Variants in TRIM49C observed in about 807,000 individuals in gnomAD.
TRIM49C encodes tripartite motif containing 49C, also known as tripartite motif-containing protein 49C.
Under a neutral mutation model 21.4 loss-of-function variants are expected in TRIM49C, and 6 were observed. The observed-to-expected ratio is 0.28, with a 90% confidence interval of 0.15 to 0.55. The LOEUF (loss-of-function observed/expected upper bound fraction) is 0.55. Ranked by LOEUF, TRIM49C falls within the 20% of genes least tolerant of loss-of-function variation. The pLI is 0.94. For missense variants in TRIM49C, 161 were observed against 442.4 expected (o/e 0.36, Z 5.71); for synonymous variants, 57 against 148.1 (o/e 0.38, Z 4.47).
the TRIM49C span, among the ~76,000 whole-genome samples, chr11:90,065,689 G>A: frequency 1.4e-5 from 2 of 141,046 alleles, no homozygotes; most frequent in Non-Finnish European, 3.1e-5. Flanking sequence ...GGGCAAGGTG[G>A]CTCATGCCTG....
In TRIM49C at chr11:90,041,608, T is replaced by A. The variant is rs1950771705; in HGVS notation, c.*58T>A. On this transcript the variant is annotated 3_prime_UTR_variant, in exon 8 of 8. Transcript: ENST00000448984. ...GTGGGAACCCCTTTATCCCAGGAAG[T>A]CCTCTTCCTTGTGCCTTAACATACA... 2 of 909,866 alleles carry A rather than the reference T, an allele frequency of 2.2e-6. No individual in the cohort carries two copies. The highest frequency in any genetic ancestry group is 3.0e-6 in the Non-Finnish European group (2 of 658,050). 56.4% of individuals were successfully genotyped at this position (909,866 alleles called of 1,614,324 possible). A position where few individuals can be genotyped will look rare whatever the true frequency, so the allele number is the denominator to read the frequency against.
At chr11:90,056,838 T>TCA in the TRIM49C span, among the ~76,000 whole-genome samples, 1 of 143,806 alleles carries the variant, frequency 7.0e-6, no homozygotes, top group African/African-American at 2.7e-5. Flanking sequence ...ATAATATACT[T>TCA]GAGAAGATGT....
the TRIM49C span, among the ~76,000 whole-genome samples, chr11:90,056,886 G>T: frequency 6.9e-6 from 1 of 145,426 alleles, no homozygotes; most frequent in Non-Finnish European, 1.5e-5. Flanking sequence ...ACTTTTGTAT[G>T]AGCTGAAATG....
chr11:90,065,515 TC>T, the TRIM49C span, among the ~76,000 whole-genome samples: 2 of 134,252 alleles, frequency 1.5e-5, 1 homozygote, highest in South Asian at 5.3e-4. Context: ...CACACCCACT[TC>T]CTGAGATGGA....
chr11:90,053,844 A>G, the TRIM49C span: 6,957 of 129,146 alleles, frequency 0.054, 560 homozygotes, highest in Admixed American at 0.12. Context: ...CTCCCGCCCC[A>G]AGCCCGGCGG....
the TRIM49C span, among the ~76,000 whole-genome samples, chr11:90,065,159 TAG>T: frequency 1.6e-5 from 2 of 128,938 alleles, no homozygotes; most frequent in Non-Finnish European, 3.3e-5. Context: ...AGGAATCAAA[TAG>T]CAAGGGAACA....
At chr11:90,034,626 T>C (rs1950711834) in intron 2 of TRIM49C, among the ~76,000 whole-genome samples, 1 of 124,784 alleles carries the variant, frequency 8.0e-6, no homozygotes, top group Non-Finnish European at 1.6e-5. Context: ...AATTTTGTTT[T>C]GATTTGGGTC....
the TRIM49C span, among the ~76,000 whole-genome samples, chr11:90,056,990 C>A: frequency 1.3e-5 from 2 of 148,214 alleles, 1 homozygote; most frequent in Non-Finnish European, 3.0e-5. Flanking sequence ...CTTCTTTATT[C>A]TTTGTAAGAT....
chr11:90,059,877 T>A, the TRIM49C span, among the ~76,000 whole-genome samples: 4 of 146,666 alleles, frequency 2.7e-5, no homozygotes, highest in Admixed American at 6.9e-5. Context: ...TCCTCAGCCC[T>A]TCCTTAGGGA....
At chr11:90,039,337 C>T (rs644142) in intron 6 of TRIM49C, among the ~76,000 whole-genome samples, 5,412 of 127,088 alleles carry the variant, frequency 0.043, 582 homozygotes, top group Non-Finnish European at 0.056. Context: ...ATTTTAGCAG[C>T]GAAAAAGTGT....
rs1242702092 is a variant in TRIM49C, at chr11:90,031,933, G to A, written c.-190-464G>A. On this transcript the variant is annotated intron_variant, in intron 1 of 7. Coordinates refer to ENST00000448984, the MANE Select transcript of TRIM49C (RefSeq NM_001195234.1). Reference sequence around the variant, plus strand: ...ACTTGAAGCCAGGAGCTGGAGAACAGCATGGGCTACAGAGTCATACACTGA... The same window carrying A: ...ACTTGAAGCCAGGAGCTGGAGAACAACATGGGCTACAGAGTCATACACTGA... 2.2e-5 allele frequency among the ~76,000 whole-genome samples: 3 copies of A among 135,132 alleles called. 1 individual carries two copies. The highest frequency in any genetic ancestry group is 4.8e-5 in the Non-Finnish European group (3 of 62,462). 88.7% of individuals were successfully genotyped at this position (135,132 alleles called of 152,430 possible). A position where few individuals can be genotyped will look rare whatever the true frequency, so the allele number is the denominator to read the frequency against.
chr11:90,073,416 G>A, the TRIM49C span: 7 of 518,500 alleles, frequency 1.4e-5, no homozygotes, highest in South Asian at 9.0e-5. Context: ...CTGACTGTTC[G>A]GGAACTCCAT....
At chr11:90,039,438 G>T (rs1950753784) in intron 6 of TRIM49C, among the ~76,000 whole-genome samples, 1 of 129,048 alleles carries the variant, frequency 7.7e-6, no homozygotes, top group African/African-American at 2.9e-5. Flanking sequence ...AACTGTATAA[G>T]TCTCTAGGGA....
chr11:90,038,456 C>A (rs1950742628), intron 5 of TRIM49C, among the ~76,000 whole-genome samples: 1 of 126,526 alleles, frequency 7.9e-6, no homozygotes, highest in Non-Finnish European at 1.7e-5. Flanking sequence ...TTCTGGGCCT[C>A]TTCTCCCTTC....
rs527346352 is a variant in TRIM49C at position 90,035,880 on chromosome 11, T to C, written c.412-8T>C. 3.6e-6 allele frequency: 3 copies of C among 825,840 alleles called. 1 individual carries two copies. In the African/African-American group the frequency reaches 1.1e-4, roughly 29 times the overall value. 51.2% of individuals were successfully genotyped at this position (825,840 alleles called of 1,614,324 possible). A position where few individuals can be genotyped will look rare whatever the true frequency, so the allele number is the denominator to read the frequency against. ...GCACTGGTGCTTCAATTTATGGCTC[T>C]TTTGCAGGAGAAGCTTTTACAGAAA... On this transcript the variant is annotated splice_polypyrimidine_tract_variant and splice_region_variant and intron_variant, in intron 3 of 7. Coordinates refer to ENST00000448984, the MANE Select transcript of TRIM49C (RefSeq NM_001195234.1).
downstream of TRIM49C, among the ~76,000 whole-genome samples, chr11:90,045,176 T>C (rs1321486690): frequency 2.9e-5 from 4 of 137,442 alleles, 1 homozygote; most frequent in African/African-American, 1.1e-4. Flanking sequence ...TTGGTTACTG[T>C]AGCCTTGTAG....
chr11:90,047,000 T>A (rs575669918), downstream of TRIM49C, among the ~76,000 whole-genome samples: 6 of 124,876 alleles, frequency 4.8e-5, 1 homozygote, highest in Admixed American at 3.6e-4. Flanking sequence ...AGAACATCTT[T>A]ATTTCTGCCT....
At chr11:90,037,298 G>A (rs1440015932) in intron 4 of TRIM49C, among the ~76,000 whole-genome samples, 1 of 132,776 alleles carries the variant, frequency 7.5e-6, no homozygotes. Context: ...AGCCTTATTA[G>A]GATAGGTTTT....
the TRIM49C span, among the ~76,000 whole-genome samples, chr11:90,069,205 C>T: frequency 3.9e-5 from 5 of 129,360 alleles, no homozygotes; most frequent in Admixed American, 2.5e-4. Context: ...CCCGGGTTCA[C>T]GCCATTCTCC....
Sources: allele counts gnomAD v4.1 joint callset (sites outside exome capture counted in the v4.1 genomes callset), GRCh38; gene constraint gnomAD v4.1.1; transcripts MANE v1.5; gene names NCBI Gene and HGNC (gene_info 2026-07-23, HGNC 2026-07-21).